Variants in PDE7B observed in about 807,000 individuals in gnomAD.
PDE7B encodes the protein 3',5'-cyclic-AMP phosphodiesterase 7B.
PDE7B carries 29 observed loss-of-function variants against 56.2 expected under a neutral mutation model. The observed-to-expected ratio is 0.52, with a 90% CI of 0.38 to 0.70. The LOEUF (loss-of-function observed/expected upper bound fraction) is 0.70, where lower values mean the gene tolerates loss of function less well. Among genes scored for constraint, PDE7B ranks in the 30% least tolerant of loss-of-function variants. The pLI is 0.00. For synonymous variants in PDE7B, 197 were observed against 196.9 expected (o/e 1.00, Z 0.00); for missense variants, 490 against 565.0 (o/e 0.87, Z 1.35).
chr6:135,928,487 T>TATATA (rs1562442915), intron 1 of PDE7B, among the ~76,000 whole-genome samples: 1 of 85,538 alleles, frequency 1.2e-5, no homozygotes, highest in Non-Finnish European at 2.5e-5. Context: ...ATATATTTAT[T>TATATA]TATATATATA....
chr6:136,025,781 C>T (rs1776140082), intron 2 of PDE7B, among the ~76,000 whole-genome samples: 1 of 152,234 alleles, frequency 6.6e-6, no homozygotes, highest in Admixed American at 6.5e-5. Flanking sequence ...GCATCTACTA[C>T]CCCAGGACAG....
intron 2 of PDE7B, among the ~76,000 whole-genome samples, chr6:136,067,466 T>G (rs189144728): frequency 8.4e-4 from 128 of 152,292 alleles, no homozygotes; most frequent in Middle Eastern, 3.4e-3. Context: ...ATATTTTTAA[T>G]TGAAATGAAG....
intron 1 of PDE7B, among the ~76,000 whole-genome samples, chr6:135,931,949 G>GCACACACA (rs1180950177): frequency 2.3e-4 from 14 of 62,164 alleles, no homozygotes; most frequent in Admixed American, 8.2e-4. Context: ...ACACACACGC[G>GCACACACA]CGCGCACACA....
chr6:136,147,382 GA>G lies in PDE7B; in HGVS notation c.203del (p.Lys68ArgfsTer2). On this transcript the variant is annotated frameshift_variant, in exon 4 of 13. Coordinates refer to ENST00000308191, the MANE Select transcript of PDE7B (RefSeq NM_018945.4). LOFTEE classifies it high-confidence loss of function. ...TTYSGEIGTK[K>X]KVKRLLSFQR... ...CATACTCAGGGGAGATTGGCACCAA[GA>G]AAAAGGTGAAAAGACTATTAAGCTT... The G allele has an allele frequency of 1.9e-6, 3 of 1,612,926 alleles. No homozygotes were observed. The highest frequency in any genetic ancestry group is 2.5e-6 in the Non-Finnish European group (3 of 1,179,010).
Position 135,928,501 on chromosome 6 carries a change from TTATA to T in PDE7B, c.22-18953_22-18950del, listed in dbSNP as rs199760999. ...TATATATTTATTTATATATATATAT[TTATA>T]TATATATATTTATTTATATATATAC... On this transcript the variant is annotated intron_variant, in intron 1 of 12. Coordinates refer to ENST00000308191, the MANE Select transcript of PDE7B (RefSeq NM_018945.4). Among the ~76,000 whole-genome samples the T allele has an allele frequency of 1.3e-4, 12 of 94,666 alleles. No homozygotes were observed. The South Asian group carries it at 1.7e-3, about 14-fold the overall frequency. 62.1% of individuals were successfully genotyped at this position (94,666 alleles called of 152,430 possible).
Position 136,191,732 on chromosome 6 carries a change from C to G in PDE7B, c.1245C>G (p.Ser415Arg). Residue 415 changes from serine to arginine, a missense_variant, in exon 13 of 13, where the codon AGC becomes AGG. Physicochemically the swap from Ser to Arg is moderately radical, Grantham distance 110 (BLOSUM62 -1). Transcript: ENST00000308191. ...CACACAACAAGGCCCAGTGGAAGAG[C>G]CTGTTGCCCAGGCAGCACAGAAGCA... ...HLAHNKAQWK[S>R]LLPRQHRSRG... 1.9e-6 allele frequency: 3 copies of G among 1,609,414 alleles called. No individual in the cohort carries two copies. Among genetic ancestry groups the G allele is most frequent in the Non-Finnish European group, 2.5e-6 (3 of 1,178,000 alleles).
intron 2 of PDE7B, among the ~76,000 whole-genome samples, chr6:136,027,285 T>C (rs925780923): frequency 2.0e-5 from 3 of 152,230 alleles, no homozygotes; most frequent in Admixed American, 2.0e-4. Flanking sequence ...CTTTAAACTC[T>C]CACATTATGT....
rs536876223 is a variant in PDE7B at position 136,144,390 on chromosome 6, T to C, written c.167-2961T>C. 9.9e-5 allele frequency among the ~76,000 whole-genome samples: 15 copies of C among 152,270 alleles called. No individual in the cohort carries two copies. The East Asian group carries it at 1.5e-3, about 16-fold the overall frequency. ...ACATATGCTACTTTATCACTAAATA[T>C]TTCAGCATGTATTTTCTAAGAATGA... On this transcript the variant is annotated intron_variant, in intron 3 of 12. Coordinates refer to ENST00000308191, the MANE Select transcript of PDE7B (RefSeq NM_018945.4).
At chr6:135,938,848 C>T (rs754151147) in intron 1 of PDE7B, among the ~76,000 whole-genome samples, 4 of 152,122 alleles carry the variant, frequency 2.6e-5, no homozygotes, top group Admixed American at 6.5e-5. Context: ...AAACACAGTT[C>T]TGCATTTTGG....
Position 136,154,013 on chromosome 6 carries a change from C to G in PDE7B, c.479-62C>G. 2.7e-6 allele frequency: 3 copies of G among 1,093,906 alleles called. No homozygotes were observed. In the Admixed American group the frequency reaches 5.3e-5, roughly 19 times the overall value. The allele number at this position is 1,093,906 out of a possible 1,614,324, so 67.8% of individuals were successfully genotyped here. A position where few individuals can be genotyped will look rare whatever the true frequency, so the allele number is the denominator to read the frequency against. ...TAAGCAAAAAGCACCCACAGTAAGT[C>G]TAAGCTAGTATACCACTCCTATTTG... On this transcript the variant is annotated intron_variant, in intron 6 of 12. Coordinates refer to ENST00000308191, the MANE Select transcript of PDE7B (RefSeq NM_018945.4).
chr6:135,914,786 G>T lies in PDE7B; in HGVS notation c.22-32678G>T, dbSNP rs531664055. 3.7e-5 allele frequency among the ~76,000 whole-genome samples: 2 copies of T among 53,950 alleles called. 1 individual carries two copies. The highest frequency in any genetic ancestry group is 6.0e-5 in the Non-Finnish European group (2 of 33,246). The allele number at this position is 53,950 out of a possible 152,430, so 35.4% of individuals were successfully genotyped here. A position where few individuals can be genotyped will look rare whatever the true frequency, so the allele number is the denominator to read the frequency against. On this transcript the variant is annotated intron_variant, in intron 1 of 12. Coordinates refer to ENST00000308191, the MANE Select transcript of PDE7B (RefSeq NM_018945.4). ...TTACAGGCGTGAGCCACCGCGCCCG[G>T]CTATAATGCTTTTAAGACTCATTCC...
In PDE7B at chr6:136,193,195, T is replaced by C. The variant is rs558033027; in HGVS notation, c.*1355T>C. The C allele has an allele frequency of 3.2e-4, 49 of 152,764 alleles. No homozygotes were observed. Among genetic ancestry groups the C allele is most frequent in the Admixed American group, 1.8e-3 (27 of 15,302 alleles). 9.5% of individuals were successfully genotyped at this position (152,764 alleles called of 1,614,324 possible). ...CTTCTATGACCCTGTCATCTAACCA[T>C]CAGGGAATTCCCTGCTCCCATGCCA... On this transcript the variant is annotated 3_prime_UTR_variant, in exon 13 of 13. Coordinates refer to ENST00000308191, the MANE Select transcript of PDE7B (RefSeq NM_018945.4).
At chr6:136,008,176 C>T (rs9389357) in intron 2 of PDE7B, among the ~76,000 whole-genome samples, 49,681 of 151,398 alleles carry the variant, frequency 0.33, 8,829 homozygotes, top group Admixed American at 0.43. Context: ...TCATTTTTTA[C>T]GGCTGCATAG....
At chr6:135,856,149 C>G (rs1246987541) in intron 1 of PDE7B, among the ~76,000 whole-genome samples, 2 of 152,152 alleles carry the variant, frequency 1.3e-5, no homozygotes, top group East Asian at 3.8e-4. Flanking sequence ...AAGATAATCT[C>G]ATTGCCAAGG....
At chr6:135,912,439 T>C (rs982280474) in intron 1 of PDE7B, among the ~76,000 whole-genome samples, 3 of 152,228 alleles carry the variant, frequency 2.0e-5, no homozygotes, top group Non-Finnish European at 4.4e-5. Context: ...ATAGATTATA[T>C]GCAAATACTA....
chr6:135,854,448 C>G (rs981894625), intron 1 of PDE7B, among the ~76,000 whole-genome samples: 2 of 152,100 alleles, frequency 1.3e-5, no homozygotes, highest in African/African-American at 4.8e-5. Flanking sequence ...TCTGAATAAT[C>G]CACTATCTTA....
intron 1 of PDE7B, among the ~76,000 whole-genome samples, chr6:135,902,574 A>G (rs562924205): frequency 1.3e-5 from 2 of 152,286 alleles, no homozygotes; most frequent in South Asian, 4.1e-4. Flanking sequence ...TAATTTCAAT[A>G]TAGAAGGTTG....
intron 2 of PDE7B, among the ~76,000 whole-genome samples, chr6:135,972,871 A>G (rs1327756299): frequency 6.6e-6 from 1 of 152,190 alleles, no homozygotes; most frequent in Non-Finnish European, 1.5e-5. Flanking sequence ...ATTCAGAAAT[A>G]CTTTTTAAAA....
intron 8 of PDE7B, among the ~76,000 whole-genome samples, chr6:136,161,653 G>T (rs569797386): frequency 6.6e-6 from 1 of 152,284 alleles, no homozygotes; most frequent in African/African-American, 2.4e-5. Flanking sequence ...TTTTACCTAA[G>T]TCTAAGGATT....
Sources: gnomAD v4.1 joint callset for allele counts (sites outside exome capture counted in the v4.1 genomes callset) on GRCh38, gnomAD v4.1.1 for gene constraint, MANE v1.5 for transcripts, NCBI Gene and HGNC (gene_info 2026-07-23, HGNC 2026-07-21) for gene names.